The following PEBP4 variants were observed in gnomAD, a reference collection of about 807,000 sequenced individuals.
PEBP4 encodes phosphatidylethanolamine-binding protein 4.
A neutral mutation model predicts 23.9 loss-of-function variants in PEBP4; 22 were observed. That is an observed-to-expected ratio of 0.92 (90% confidence interval 0.66 to 1.31). PEBP4 has a LOEUF of 1.31. Ranked by LOEUF, PEBP4 falls within the 40% of genes most tolerant of loss-of-function variation. PEBP4 has a pLI of 0.00. For missense variants in PEBP4, 324 were observed against 281.7 expected, an observed-to-expected ratio of 1.15 and a Z score of -1.07; for synonymous variants, 112 against 99.3, an observed-to-expected ratio of 1.13 and a Z score of -0.76.
chr8:22,736,405 G>A (rs545742667), intron 4 of PEBP4, among the ~76,000 whole-genome samples: 1 of 152,156 alleles, frequency 6.6e-6, no homozygotes, highest in Non-Finnish European at 1.5e-5. Context: ...AGGAGTTGCA[G>A]AGCAGCCTGG....
At chr8:22,935,289 G>T (rs1809521759) in intron 1 of PEBP4, among the ~76,000 whole-genome samples, 1 of 152,184 alleles carries the variant, frequency 6.6e-6, no homozygotes, top group African/African-American at 2.4e-5. Context: ...GGGAAGCCGA[G>T]GTGGGTGGAT....
intron 3 of PEBP4, among the ~76,000 whole-genome samples, chr8:22,841,297 T>C (rs986306752): frequency 2.0e-5 from 3 of 152,282 alleles, no homozygotes; most frequent in Non-Finnish European, 4.4e-5. Flanking sequence ...TTCTGTAAAG[T>C]ACAATCATTC....
At chr8:22,851,580 C>T (rs946372039) in intron 3 of PEBP4, among the ~76,000 whole-genome samples, 4 of 152,126 alleles carry the variant, frequency 2.6e-5, no homozygotes, top group Non-Finnish European at 5.9e-5. Flanking sequence ...ACTCATGTTG[C>T]GGTGCTCTCC....
At chr8:22,817,509 C>A in intron 4 of PEBP4, 128 bp downstream of exon 4, 1 of 831,412 alleles carries the variant, frequency 1.2e-6, no homozygotes, top group Admixed American at 2.0e-5. Flanking sequence ...GATAGCTGAG[C>A]ACTGGGGGAG....
chr8:22,882,928 G>A (rs930490939), intron 3 of PEBP4, among the ~76,000 whole-genome samples: 1 of 152,236 alleles, frequency 6.6e-6, no homozygotes, highest in African/African-American at 2.4e-5. Flanking sequence ...TACCCCACCT[G>A]TTCCTCCCAC....
At chr8:22,793,651 A>G (rs910661424) in intron 4 of PEBP4, among the ~76,000 whole-genome samples, 3 of 152,152 alleles carry the variant, frequency 2.0e-5, no homozygotes, top group African/African-American at 7.2e-5. Context: ...GGTCATTTCT[A>G]ATATTCCATT....
intron 3 of PEBP4, among the ~76,000 whole-genome samples, chr8:22,898,468 A>T (rs1808641795): frequency 6.6e-6 from 1 of 150,582 alleles, no homozygotes. Context: ...TGGAACCCCA[A>T]GCTAAGACAC....
intron 3 of PEBP4, among the ~76,000 whole-genome samples, chr8:22,826,675 T>C (rs1430597051): frequency 6.6e-6 from 1 of 152,232 alleles, no homozygotes; most frequent in Non-Finnish European, 1.5e-5. Flanking sequence ...TATTGCTTTA[T>C]TTTTATAGAA....
intron 3 of PEBP4, among the ~76,000 whole-genome samples, chr8:22,914,960 C>G (rs1809040627): frequency 6.6e-6 from 1 of 152,148 alleles, no homozygotes. Flanking sequence ...CAGCATCCCC[C>G]TTTAGTCTCA....
chr8:22,864,331 G>A (rs1807839576), intron 3 of PEBP4, among the ~76,000 whole-genome samples: 1 of 152,178 alleles, frequency 6.6e-6, no homozygotes, highest in Non-Finnish European at 1.5e-5. Context: ...ACAGCTCTGT[G>A]AGGCCACCTA....
chr8:22,872,351 G>A (rs1808022667), intron 3 of PEBP4, among the ~76,000 whole-genome samples: 1 of 152,194 alleles, frequency 6.6e-6, no homozygotes, highest in Admixed American at 6.5e-5. Context: ...TGTCCCCGTT[G>A]CCAAGCCACA....
chr8:22,857,272 T>C (rs547994044), intron 3 of PEBP4, among the ~76,000 whole-genome samples: 98 of 125,000 alleles, frequency 7.8e-4, no homozygotes, highest in African/African-American at 3.1e-3. Flanking sequence ...ACACACACAC[T>C]TACTCACTCA....
At chr8:22,731,635 A>G (rs1804734283) in intron 4 of PEBP4, among the ~76,000 whole-genome samples, 1 of 142,886 alleles carries the variant, frequency 7.0e-6, no homozygotes, top group Non-Finnish European at 1.5e-5. Flanking sequence ...TTATTTATTT[A>G]TTTATTTATC....
At chr8:22,760,595 G>A (rs553291358) in intron 4 of PEBP4, among the ~76,000 whole-genome samples, 1 of 152,016 alleles carries the variant, frequency 6.6e-6, no homozygotes, top group African/African-American at 2.4e-5. Context: ...AGTGGACAAC[G>A]TGTGTGTGTG....
chr8:22,787,113 T>C (rs983279507), intron 4 of PEBP4, among the ~76,000 whole-genome samples: 1 of 152,250 alleles, frequency 6.6e-6, no homozygotes, highest in Non-Finnish European at 1.5e-5. Context: ...CGTAAGCCAC[T>C]GTGCCCAGCT....
At chr8:22,847,886 G>C (rs1258823730) in intron 3 of PEBP4, among the ~76,000 whole-genome samples, 4 of 152,186 alleles carry the variant, frequency 2.6e-5, no homozygotes, top group Non-Finnish European at 5.9e-5. Flanking sequence ...ACCTGAGCCT[G>C]CCACTCTCAG....
chr8:22,755,628 G>C (rs896559787), intron 4 of PEBP4: 1 of 152,272 alleles, frequency 6.6e-6, no homozygotes, highest in East Asian at 1.9e-4. Context: ...GAGCCACCGT[G>C]CTGGGGCAAA....
At chr8:22,849,252 C>T (rs1446823402) in intron 3 of PEBP4, among the ~76,000 whole-genome samples, 2 of 152,210 alleles carry the variant, frequency 1.3e-5, no homozygotes, top group Non-Finnish European at 2.9e-5. Context: ...AATGGAGAAG[C>T]TGAGGCACTG....
chr8:22,937,691 C>G (rs1010630809), intron 1 of PEBP4, among the ~76,000 whole-genome samples: 26 of 152,206 alleles, frequency 1.7e-4, no homozygotes, highest in African/African-American at 5.5e-4. Flanking sequence ...TACTACAAAG[C>G]TACAGTAATC....
Sources: gnomAD v4.1 joint callset for allele counts (sites outside exome capture counted in the v4.1 genomes callset) on GRCh38, gnomAD v4.1.1 for gene constraint, MANE v1.5 for transcripts, NCBI Gene and HGNC (gene_info 2026-07-23, HGNC 2026-07-21) for gene names.